Variants in YAP1 observed in about 807,000 individuals in gnomAD.
YAP1 encodes transcriptional coactivator YAP1.
In YAP1, 5 loss-of-function variants were observed where a neutral mutation model predicts 56.9. That is an observed-to-expected ratio of 0.09 (90% CI 0.05 to 0.18). The LOEUF (loss-of-function observed/expected upper bound fraction) is 0.18. Ranked by LOEUF, YAP1 falls within the 10% of genes least tolerant of loss-of-function variation. The pLI is 1.00. For missense variants in YAP1, 539 were observed against 651.8 expected, an observed-to-expected ratio of 0.83 and a Z score of 1.88; for synonymous variants, 265 against 248.1, an observed-to-expected ratio of 1.07 and a Z score of -0.64.
intron 6 of YAP1, among the ~76,000 whole-genome samples, chr11:102,210,980 C>T (rs1010993977): frequency 6.6e-6 from 1 of 152,132 alleles, no homozygotes; most frequent in African/African-American, 2.4e-5. Context: ...TGGTCTCGAT[C>T]TCCTGACCTC....
chr11:102,120,105 A>T (rs913995354), intron 2 of YAP1, among the ~76,000 whole-genome samples: 2 of 152,240 alleles, frequency 1.3e-5, no homozygotes, highest in East Asian at 1.9e-4. Flanking sequence ...ACTACAAGCC[A>T]TGAAAGGGAC....
chr11:102,111,188 T>C lies in YAP1; in HGVS notation c.321+19T>C. 6.2e-7 allele frequency: 1 copy of C among 1,607,890 alleles called. No individual in the cohort carries two copies. The highest frequency in any genetic ancestry group is 1.1e-5 in the South Asian group (1 of 90,936). Reference sequence around the variant, plus strand: ...CCGACAGGTAACCTCGTTGCCCCTCTCCCCGTTTCCCCGTCGGGCGGGCCT... The same window carrying C: ...CCGACAGGTAACCTCGTTGCCCCTCCCCCCGTTTCCCCGTCGGGCGGGCCT... On this transcript the variant is annotated intron_variant, in intron 1 of 8. Transcript: ENST00000282441.
intron 2 of YAP1, among the ~76,000 whole-genome samples, chr11:102,160,956 T>C (rs1946236420): frequency 6.6e-6 from 1 of 152,094 alleles, no homozygotes; most frequent in African/African-American, 2.4e-5. Flanking sequence ...TTATTTCCTG[T>C]GCACAACTAA....
At chr11:102,123,510 C>T (rs1282897675) in intron 2 of YAP1, among the ~76,000 whole-genome samples, 1 of 151,954 alleles carries the variant, frequency 6.6e-6, no homozygotes, top group Non-Finnish European at 1.5e-5. Flanking sequence ...TGGGAGGTAG[C>T]TGTGTTGAGA....
rs567208659 is a variant in YAP1 at position 102,163,574 on chromosome 11, A to T, written c.688+1003A>T. Among the ~76,000 whole-genome samples the T allele has an allele frequency of 1.8e-4, 28 of 152,348 alleles. No individual in the cohort carries two copies. In the South Asian group the frequency reaches 5.6e-3, roughly 30 times the overall value. On this transcript the variant is annotated intron_variant, in intron 3 of 8. Transcript: ENST00000282441. ...TGCTCAGTGCCCAGGTTCAGGACAC[A>T]GATGGCAACAATAGTATGTGGCAGC...
chr11:102,165,127 G>A (rs1015352723), intron 3 of YAP1, among the ~76,000 whole-genome samples: 1 of 152,082 alleles, frequency 6.6e-6, no homozygotes, highest in Non-Finnish European at 1.5e-5. Flanking sequence ...GGGAGACCAA[G>A]GTGGGAGGAT....
At chr11:102,180,608 G>A (rs1370663750) in intron 3 of YAP1, among the ~76,000 whole-genome samples, 1 of 150,428 alleles carries the variant, frequency 6.6e-6, no homozygotes, top group African/African-American at 2.4e-5. Flanking sequence ...CATGAACCTG[G>A]GAGGTGGAGC....
Position 102,221,754 on chromosome 11 carries a change from C to G in YAP1, c.1033-1868C>G, listed in dbSNP as rs143014407. On this transcript the variant is annotated intron_variant, in intron 6 of 8. Transcript: ENST00000282441. Reference sequence around the variant, plus strand: ...ATTAAAAAAAAAAAAAATCTAGAAGCACATCTTATAACGTAACTACTGTAG... The same window carrying G: ...ATTAAAAAAAAAAAAAATCTAGAAGGACATCTTATAACGTAACTACTGTAG... Among the ~76,000 whole-genome samples the G allele has an allele frequency of 1.7e-4, 25 of 151,480 alleles. No individual in the cohort carries two copies. The East Asian group carries it at 4.6e-3, about 28-fold the overall frequency.
At chr11:102,197,214 A>G (rs931252988) in intron 4 of YAP1, among the ~76,000 whole-genome samples, 1 of 152,260 alleles carries the variant, frequency 6.6e-6, no homozygotes, top group Admixed American at 6.5e-5. Context: ...ACAAGTTAAT[A>G]TAGCTATGCT....
intron 6 of YAP1, among the ~76,000 whole-genome samples, chr11:102,211,153 A>T (rs1949386434): frequency 6.6e-6 from 1 of 152,192 alleles, no homozygotes; most frequent in Non-Finnish European, 1.5e-5. Flanking sequence ...TTCAGGTAAA[A>T]AGTCCTCCAT....
At chr11:102,222,861 ACTT>A (rs1489327392) in intron 6 of YAP1, among the ~76,000 whole-genome samples, 7 of 147,110 alleles carry the variant, frequency 4.8e-5, no homozygotes, top group Non-Finnish European at 9.0e-5. Context: ...TATTCTTCCT[ACTT>A]CTTTTTTTTT....
rs143438914 is a variant in YAP1, at chr11:102,181,691, C to T, written c.689-4327C>T. Among the ~76,000 whole-genome samples, 17 of 152,290 alleles carry T rather than the reference C, an allele frequency of 1.1e-4. No homozygotes were observed. In the East Asian group the frequency reaches 3.3e-3, roughly 29 times the overall value. On this transcript the variant is annotated intron_variant, in intron 3 of 8. Transcript: ENST00000282441. ...TAATCCTAGCAGACGTGACTGTGTA[C>T]TATTCCCAGACCTGCATAGATTGAT...
At chr11:102,126,649 T>C (rs926797509) in intron 2 of YAP1, among the ~76,000 whole-genome samples, 1 of 152,150 alleles carries the variant, frequency 6.6e-6, no homozygotes, top group African/African-American at 2.4e-5. Flanking sequence ...AGCATGAAAA[T>C]GAACTAATAC....
rs896410569 is a variant in YAP1, at chr11:102,179,050, C to G, written c.689-6968C>G. Reference sequence around the variant, plus strand: ...GCCATTCATGAGGTACCCCACCCCCCACCCCGTGACCCAGTCACCCCCCAC... The same window carrying G: ...GCCATTCATGAGGTACCCCACCCCCGACCCCGTGACCCAGTCACCCCCCAC... On this transcript the variant is annotated intron_variant, in intron 3 of 8. Transcript: ENST00000282441. Among the ~76,000 whole-genome samples the G allele has an allele frequency of 2.1e-5, 3 of 143,746 alleles. No homozygotes were observed. The East Asian group carries it at 7.0e-4, about 33-fold the overall frequency. The allele number at this position is 143,746 out of a possible 152,430, so 94.3% of individuals were successfully genotyped here. A position where few individuals can be genotyped will look rare whatever the true frequency, so the allele number is the denominator to read the frequency against.
intron 2 of YAP1, among the ~76,000 whole-genome samples, chr11:102,145,468 G>A (rs1945273437): frequency 6.6e-6 from 1 of 152,168 alleles, no homozygotes; most frequent in African/African-American, 2.4e-5. Context: ...AATGTGGAAA[G>A]ACACTGTGGA....
intron 2 of YAP1, 56 bp downstream of exon 2, chr11:102,114,450 C>T (rs1168013247): frequency 2.5e-6 from 4 of 1,576,568 alleles, no homozygotes; most frequent in South Asian, 1.1e-5. Flanking sequence ...TATTGGAAAA[C>T]ACAGTAAAGT....
chr11:102,128,847 A>G (rs1944199447), intron 2 of YAP1, among the ~76,000 whole-genome samples: 1 of 152,214 alleles, frequency 6.6e-6, no homozygotes, highest in East Asian at 1.9e-4. Flanking sequence ...CATCTAGTTA[A>G]TATGAACAGC....
At chr11:102,209,357 G>A (rs1949280053) in intron 5 of YAP1, among the ~76,000 whole-genome samples, 160 bp from the exon 6 acceptor site, 1 of 152,080 alleles carries the variant, frequency 6.6e-6, no homozygotes, top group Admixed American at 6.6e-5. Flanking sequence ...TTGTTATGTG[G>A]TGACTCCATT....
At chr11:102,181,577 C>A (rs897402982) in intron 3 of YAP1, among the ~76,000 whole-genome samples, 1 of 151,974 alleles carries the variant, frequency 6.6e-6, no homozygotes. Context: ...ATTTTGGAGA[C>A]GGAGAAAGAC....
Sources: gnomAD v4.1 joint callset for allele counts (sites outside exome capture counted in the v4.1 genomes callset) on GRCh38, gnomAD v4.1.1 for gene constraint, MANE v1.5 for transcripts, NCBI Gene and HGNC (gene_info 2026-07-23, HGNC 2026-07-21) for gene names.